The following LRRTM4 variants were observed in gnomAD, a reference collection of about 807,000 sequenced individuals.
The protein encoded by LRRTM4 is leucine-rich repeat transmembrane neuronal protein 4.
LRRTM4 carries 25 observed loss-of-function variants against 47.6 expected under a neutral mutation model. That is an observed-to-expected ratio of 0.53 (90% CI 0.38 to 0.73). LRRTM4 has a LOEUF of 0.73. Ranked by LOEUF, LRRTM4 falls within the 30% of genes least tolerant of loss-of-function variation. The pLI is 0.00. For synonymous variants in LRRTM4, 311 were observed against 269.5 expected, an observed-to-expected ratio of 1.15 and a Z score of -1.51; for missense variants, 638 against 713.4, an observed-to-expected ratio of 0.89 and a Z score of 1.20.
At chr2:77,057,485 T>A (rs189046484) in intron 3 of LRRTM4, among the ~76,000 whole-genome samples, 118 of 152,324 alleles carry the variant, frequency 7.7e-4, no homozygotes, top group African/African-American at 2.7e-3. Flanking sequence ...AATAGTAACA[T>A]GCAATTTAGT....
At chr2:77,093,798 T>C (rs1358038226) in intron 3 of LRRTM4, among the ~76,000 whole-genome samples, 2 of 151,764 alleles carry the variant, frequency 1.3e-5, no homozygotes, top group Non-Finnish European at 1.5e-5. Context: ...CTGATGACAT[T>C]CCACCACAAA....
intron 3 of LRRTM4, among the ~76,000 whole-genome samples, chr2:77,506,649 A>G (rs1678787754): frequency 6.6e-6 from 1 of 151,938 alleles, no homozygotes; most frequent in African/African-American, 2.4e-5. Context: ...AAAAACATAA[A>G]AAGTTATATA....
chr2:77,007,290 G>C (rs1677691910), intron 3 of LRRTM4, among the ~76,000 whole-genome samples: 1 of 152,056 alleles, frequency 6.6e-6, no homozygotes, highest in African/African-American at 2.4e-5. Context: ...AAAAGAGGAA[G>C]CAATCATCAA....
chr2:76,852,093 T>C (rs983147358), intron 3 of LRRTM4, among the ~76,000 whole-genome samples: 7 of 152,190 alleles, frequency 4.6e-5, no homozygotes, highest in Admixed American at 4.6e-4. Context: ...TGCTACTCAA[T>C]GTGCTGGGGA....
intron 3 of LRRTM4, among the ~76,000 whole-genome samples, chr2:77,005,796 A>G (rs1264114775): frequency 6.6e-6 from 1 of 152,168 alleles, no homozygotes; most frequent in African/African-American, 2.4e-5. Flanking sequence ...TTTCCTTTAT[A>G]AATTACTCAC....
chr2:76,864,221 G>T (rs1317452265), intron 3 of LRRTM4, among the ~76,000 whole-genome samples: 4 of 152,224 alleles, frequency 2.6e-5, no homozygotes, highest in African/African-American at 4.8e-5. Flanking sequence ...CAGATCAAAA[G>T]GTAGGACATG....
At chr2:76,895,491 G>T (rs774994013) in intron 3 of LRRTM4, among the ~76,000 whole-genome samples, 1 of 151,984 alleles carries the variant, frequency 6.6e-6, no homozygotes, top group Non-Finnish European at 1.5e-5. Flanking sequence ...ACACCAATAG[G>T]CATAGAACTG....
At chr2:77,224,969 G>A (rs1325130301) in intron 3 of LRRTM4, among the ~76,000 whole-genome samples, 3 of 151,992 alleles carry the variant, frequency 2.0e-5, no homozygotes, top group Admixed American at 6.6e-5. Flanking sequence ...CAAGCCAAAT[G>A]TCCAACAATG....
intron 3 of LRRTM4, among the ~76,000 whole-genome samples, chr2:76,847,813 A>G (rs1671881727): frequency 6.6e-6 from 1 of 152,140 alleles, no homozygotes; most frequent in African/African-American, 2.4e-5. Context: ...TTGAATGTTT[A>G]ATAAAATTTT....
chr2:77,474,524 A>G (rs1055181066), intron 3 of LRRTM4, among the ~76,000 whole-genome samples: 2 of 152,128 alleles, frequency 1.3e-5, no homozygotes, highest in Non-Finnish European at 2.9e-5. Context: ...TAGAATCAAT[A>G]TAATAGATTA....
chr2:76,764,854 G>A (rs1673395089), intron 3 of LRRTM4, among the ~76,000 whole-genome samples: 1 of 152,162 alleles, frequency 6.6e-6, no homozygotes, highest in Admixed American at 6.5e-5. Flanking sequence ...GACCATCTGG[G>A]CTGCCCCTCC....
At chr2:77,307,528 A>G (rs896406258) in intron 3 of LRRTM4, among the ~76,000 whole-genome samples, 2 of 136,266 alleles carry the variant, frequency 1.5e-5, no homozygotes, top group Non-Finnish European at 3.2e-5. Flanking sequence ...ATAGATATAT[A>G]ATATATAGAT....
chr2:77,139,886 A>G (rs878968412), intron 3 of LRRTM4, among the ~76,000 whole-genome samples: 1 of 152,292 alleles, frequency 6.6e-6, no homozygotes, highest in Non-Finnish European at 1.5e-5. Context: ...TGCTTCAAAG[A>G]GAATAAAATA....
At chr2:76,961,051 A>G (rs1675841134) in intron 3 of LRRTM4, among the ~76,000 whole-genome samples, 1 of 151,570 alleles carries the variant, frequency 6.6e-6, no homozygotes, top group African/African-American at 2.4e-5. Context: ...TTTTTCTATC[A>G]GCACTTATAA....
At chr2:77,339,410 T>C (rs548526948) in intron 3 of LRRTM4, among the ~76,000 whole-genome samples, 2 of 152,158 alleles carry the variant, frequency 1.3e-5, no homozygotes, top group African/African-American at 4.8e-5. Flanking sequence ...TTTTTTCTTT[T>C]CTCCCCTTTA....
At chr2:77,212,355 G>GAT (rs67657668) in intron 3 of LRRTM4, among the ~76,000 whole-genome samples, 2,088 of 146,592 alleles carry the variant, frequency 0.014, 26 homozygotes, top group Non-Finnish European at 0.019. Context: ...ATTAACTCAT[G>GAT]ATATATATAT....
At chr2:76,795,603 T>G (rs2103738702) in intron 3 of LRRTM4, among the ~76,000 whole-genome samples, 1 of 84,818 alleles carries the variant, frequency 1.2e-5, no homozygotes, top group South Asian at 3.9e-4. Flanking sequence ...ACACACACAC[T>G]ACATTTTCTT....
rs75265610 is a variant in LRRTM4 at position 77,451,649 on chromosome 2, C to A, written c.1551+66669G>T. On this transcript the variant is annotated intron_variant, in intron 3 of 3. Transcript: ENST00000409884. ...TAAGCATTGATAATATGTCAATGAA[C>A]AAGATACTCTTCTCCTAGATCTTGC... is the stretch of plus-strand genomic sequence containing the variant. Among the ~76,000 whole-genome samples, 920 of 152,198 alleles carry A rather than the reference C, an allele frequency of 6.0e-3. 4 individuals are homozygous for A. Among genetic ancestry groups the A allele is most frequent in the Middle Eastern group, 0.014 (4 of 294 alleles).
At chr2:76,887,573 G>GTA (rs1383922818) in intron 3 of LRRTM4, among the ~76,000 whole-genome samples, 5 of 145,212 alleles carry the variant, frequency 3.4e-5, no homozygotes, top group Non-Finnish European at 7.6e-5. Flanking sequence ...GTGCAAATAT[G>GTA]TATATATACA....
Sources: gnomAD v4.1 joint callset for allele counts (sites outside exome capture counted in the v4.1 genomes callset) on GRCh38, gnomAD v4.1.1 for gene constraint, MANE v1.5 for transcripts, NCBI Gene and HGNC (gene_info 2026-07-23, HGNC 2026-07-21) for gene names.